RASSF1: variants seen among roughly 807,000 people sequenced by gnomAD.
RASSF1 encodes the protein Ras association domain family member 1.
A neutral mutation model predicts 34.3 loss-of-function variants in RASSF1; 33 were observed. The observed-to-expected ratio is 0.96, with a 90% CI of 0.73 to 1.29. The LOEUF is 1.29. Ranked by LOEUF, RASSF1 falls within the 50% of genes most tolerant of loss-of-function variation. RASSF1 has a pLI of 0.00. For synonymous variants in RASSF1, 191 were observed against 195.0 expected, an observed-to-expected ratio of 0.98 and a Z score of 0.17; for missense variants, 445 against 471.8, an observed-to-expected ratio of 0.94 and a Z score of 0.53.
At chr3:50,337,636 G>A (rs1181197407) in intron 2 of RASSF1, 4 of 998,404 alleles carry the variant, frequency 4.0e-6, no homozygotes, top group Non-Finnish European at 5.8e-6. Context: ...GCCTCTGGCC[G>A]GAGGCGAGGG....
rs749485487 is a variant in RASSF1 at position 50,330,972 on chromosome 3, T to A, written c.877-245A>T. Among the ~76,000 whole-genome samples, 5 of 152,172 alleles carry A rather than the reference T, an allele frequency of 3.3e-5. No homozygotes were observed. Among genetic ancestry groups the A allele is most frequent in the Non-Finnish European group, 7.3e-5 (5 of 68,034 alleles). On this transcript the variant is annotated intron_variant, in intron 5 of 5. Coordinates refer to ENST00000359365, the MANE Select transcript of RASSF1 (RefSeq NM_007182.5). The surrounding 1 kb of genome is among the most constrained non-coding windows in gnomAD (Gnocchi z 4.5). ...TGTTCCCCAATTACCTGTGGACAGG[T>A]CAGGCATATTCTGAGTCTAATTTCA...
chr3:50,337,109 C>T, intron 2 of RASSF1: 2 of 1,494,186 alleles, frequency 1.3e-6, no homozygotes, highest in South Asian at 2.6e-5. Flanking sequence ...CGGCAACGGA[C>T]CGGGGAGGGC....
chr3:50,331,615 A>G lies in RASSF1; in HGVS notation c.704T>C (p.Val235Ala), dbSNP rs779420168. Residue 235 changes from valine to alanine, a missense_variant, in exon 4 of 6, where the codon GTG becomes GCG. Val to Ala is a moderately conservative substitution (Grantham distance 64, BLOSUM62 0). Coordinates refer to ENST00000359365, the MANE Select transcript of RASSF1 (RefSeq NM_007182.5). Reference sequence around the variant, plus strand: ...TGCAAACTTGCGGGGGTCATCCACCACCAAGAACTTTCGCAGCAGGGCCTC... The same window carrying G: ...TGCAAACTTGCGGGGGTCATCCACCGCCAAGAACTTTCGCAGCAGGGCCTC... The part of the protein sequence containing the change: ...VIEALLRKFL[V>A]VDDPRKFALF... The G allele has an allele frequency of 5.0e-6, 8 of 1,605,356 alleles. No homozygotes were observed. Among genetic ancestry groups the G allele is most frequent in the African/African-American group, 1.3e-5 (1 of 74,792 alleles).
chr3:50,336,854 CT>C, intron 2 of RASSF1: 1 of 367,364 alleles, frequency 2.7e-6, no homozygotes, highest in Non-Finnish European at 5.0e-6. Context: ...AATCGAGGTG[CT>C]AGTCCAAACT....
intron 2 of RASSF1, among the ~76,000 whole-genome samples, chr3:50,335,089 C>G (rs1448571044): frequency 1.3e-5 from 2 of 152,028 alleles, no homozygotes; most frequent in African/African-American, 2.4e-5. Flanking sequence ...GCTGGGATTA[C>G]AGGTGCCTGC....
At position 50,340,624 on chromosome 3, in the gene RASSF1, G is replaced by A. The variant is rs766813648; in HGVS notation, c.182C>T (p.Thr61Met). Residue 61 changes from threonine to methionine, a missense_variant, in exon 1 of 6, where the codon ACG becomes ATG. By Grantham distance (81) the Thr-to-Met change is moderately conservative. Transcript: ENST00000359365. ...GCCACAGAGGTCGCACCACGTGTGC[G>A]TGGCGGGCCCCGCGGGCTGGAAGCG... ...GHRFQPAGPA[T>M]HTWCDLCGDF... is the part of the protein sequence containing the mutation. 5 of 1,532,776 alleles carry A rather than the reference G, an allele frequency of 3.3e-6. No homozygotes were observed. The highest frequency in any genetic ancestry group is 4.3e-6 in the Non-Finnish European group (5 of 1,149,886). 94.9% of individuals were successfully genotyped at this position (1,532,776 alleles called of 1,614,324 possible).
chr3:50,333,759 C>T (rs905433232), intron 2 of RASSF1, among the ~76,000 whole-genome samples: 2 of 152,172 alleles, frequency 1.3e-5, no homozygotes, highest in East Asian at 1.9e-4. Flanking sequence ...GGATTACAGG[C>T]GTGAACCATC....
At chr3:50,336,864 C>T (rs1303566473) in intron 2 of RASSF1, 1 of 407,098 alleles carries the variant, frequency 2.5e-6, no homozygotes, top group African/African-American at 2.1e-5. Flanking sequence ...CTAGTCCAAA[C>T]TGCTCGGTCG....
intron 2 of RASSF1, among the ~76,000 whole-genome samples, chr3:50,335,124 A>G (rs987762705): frequency 1.3e-5 from 2 of 151,328 alleles, no homozygotes; most frequent in Non-Finnish European, 2.9e-5. Context: ...AATTTTTTGT[A>G]TTTTTAGTCG....
At chr3:50,338,218 G>A in intron 1 of RASSF1, 1 of 1,400,998 alleles carries the variant, frequency 7.1e-7, no homozygotes. Context: ...AGGCAGAGAG[G>A]CCTGCTCAAC....
chr3:50,337,545 G>A, intron 2 of RASSF1: 2 of 1,478,252 alleles, frequency 1.4e-6, no homozygotes, highest in Non-Finnish European at 1.8e-6. Context: ...TGACCTCATC[G>A]CTCCGGAGCT....
At chr3:50,333,979 C>T (rs140902735) in intron 2 of RASSF1, among the ~76,000 whole-genome samples, 102 of 152,318 alleles carry the variant, frequency 6.7e-4, no homozygotes, top group African/African-American at 2.3e-3. Context: ...ACAGACACAG[C>T]TAAGCTCAGC....
In RASSF1 at chr3:50,330,588, A is replaced by G. The variant is rs782040632; in HGVS notation, c.1016T>C (p.Leu339Pro). 1.2e-6 allele frequency: 2 copies of G among 1,613,940 alleles called. No homozygotes were observed. Among genetic ancestry groups the G allele is most frequent in the African/African-American group, 1.3e-5 (1 of 75,038 alleles). The change falls in exon 6 of 6, where the codon CTT becomes CCT. Residue 339 changes from leucine (L) to proline (P), a missense_variant. Leu to Pro is a moderately conservative substitution (Grantham distance 98, BLOSUM62 -3). Coordinates refer to ENST00000359365, the MANE Select transcript of RASSF1 (RefSeq NM_007182.5). This position sits in a 1 kb window ranked among gnomAD's most constrained non-coding sequence, Gnocchi z 4.5. Reference protein sequence around the residue: ...KIQEALHACPLG With the variant: ...KIQEALHACPPG The stretch of plus-strand genomic sequence containing the variant: ...ACCTGGGGGTACAAGAGGTCACCCA[A>G]GGGGGCAGGCGTGCAGGGCCTCTTG...
chr3:50,339,802 T>C (rs970276976), intron 1 of RASSF1, among the ~76,000 whole-genome samples: 2 of 152,182 alleles, frequency 1.3e-5, no homozygotes, highest in Admixed American at 6.5e-5. Flanking sequence ...AGTTCCTAAA[T>C]AGGCCAGAGC....
chr3:50,339,659 G>A (rs1355023494), intron 1 of RASSF1, among the ~76,000 whole-genome samples: 5 of 152,064 alleles, frequency 3.3e-5, no homozygotes, highest in African/African-American at 9.7e-5. Flanking sequence ...ATGAGCCACC[G>A]CGCTCGGCCC....
At chr3:50,332,696 G>C (rs587679586) in intron 2 of RASSF1, among the ~76,000 whole-genome samples, 7 of 152,282 alleles carry the variant, frequency 4.6e-5, no homozygotes, top group Admixed American at 4.6e-4. Flanking sequence ...GGAGGCTGAG[G>C]TGGGAGGATC....
Position 50,340,540 on chromosome 3 carries a change from C to T in RASSF1, c.250+16G>A, listed in dbSNP as rs752890616. The T allele has an allele frequency of 2.6e-5, 38 of 1,476,508 alleles. No individual in the cohort carries two copies. Among genetic ancestry groups the T allele is most frequent in the Non-Finnish European group, 1.2e-5 (14 of 1,122,388 alleles). 91.5% of individuals were successfully genotyped at this position (1,476,508 alleles called of 1,614,324 possible). A position where few individuals can be genotyped will look rare whatever the true frequency, so the allele number is the denominator to read the frequency against. ...TGCCCCTTCCGCTCTCGTAGGCGCGCGGGGCCACTACTCACGCGCGCACTG... is the reference window on the plus strand; with the variant it reads ...TGCCCCTTCCGCTCTCGTAGGCGCGTGGGGCCACTACTCACGCGCGCACTG... On this transcript the variant is annotated intron_variant, in intron 1 of 5. Transcript: ENST00000359365.
At chr3:50,338,161 C>T in intron 1 of RASSF1, 150 bp from the exon 2 acceptor site, 1 of 1,427,348 alleles carries the variant, frequency 7.0e-7, no homozygotes, top group Non-Finnish European at 9.2e-7. Flanking sequence ...GCTACGCGGA[C>T]TCTAATGTTG....
Position 50,330,736 on chromosome 3 carries a change from G to C in RASSF1, c.877-9C>G. 1 of 1,613,576 alleles carries C rather than the reference G, an allele frequency of 6.2e-7. No homozygotes were observed. The highest frequency in any genetic ancestry group is 2.2e-5 in the East Asian group (1 of 44,888). On this transcript the variant is annotated splice_polypyrimidine_tract_variant and intron_variant, in intron 5 of 5. Transcript: ENST00000359365. This position sits in a 1 kb window ranked among gnomAD's most constrained non-coding sequence, Gnocchi z 4.5. Reference sequence around the variant, plus strand: ...ATGCTGAAGGCGTCCCACTGCAAGGGGCAAAAGGGGAGTGTACAGGCTGCA... The same window carrying C: ...ATGCTGAAGGCGTCCCACTGCAAGGCGCAAAAGGGGAGTGTACAGGCTGCA...
Sources: allele counts gnomAD v4.1 joint callset (sites outside exome capture counted in the v4.1 genomes callset), GRCh38; gene constraint gnomAD v4.1.1; non-coding constraint Gnocchi (gnomAD v3.1); transcripts MANE v1.5; gene names NCBI Gene and HGNC (gene_info 2026-07-23, HGNC 2026-07-21).